CNTNAP5: variants seen among roughly 807,000 people sequenced by gnomAD.
CNTNAP5 encodes contactin associated protein family member 5, also known as contactin-associated protein-like 5.
A neutral mutation model predicts 150.2 loss-of-function variants in CNTNAP5; 72 were observed. The observed-to-expected ratio is 0.48, with a 90% confidence interval of 0.40 to 0.58. CNTNAP5 has a LOEUF of 0.58. CNTNAP5 is among the 20% of genes least tolerant of loss of function. The pLI is 0.00. For synonymous variants in CNTNAP5, 672 were observed against 619.8 expected (o/e 1.08, Z -1.25); for missense variants, 1,636 against 1,626.2 (o/e 1.01, Z -0.10).
intron 13 of CNTNAP5, among the ~76,000 whole-genome samples, chr2:124,733,868 G>A (rs1291936085): frequency 6.6e-6 from 1 of 152,142 alleles, no homozygotes; most frequent in Non-Finnish European, 1.5e-5. Context: ...AGCTTTGATG[G>A]GGGAGAGTGT....
intron 13 of CNTNAP5, among the ~76,000 whole-genome samples, chr2:124,730,311 A>G (rs1460629996): frequency 6.6e-6 from 1 of 151,618 alleles, no homozygotes; most frequent in Non-Finnish European, 1.5e-5. Flanking sequence ...CGTGTAGTAT[A>G]CAGGTGTGCG....
chr2:124,057,470 T>TTTTTTTTTTTTTTTTTTTTTTTTTC (rs1681885581), intron 1 of CNTNAP5, among the ~76,000 whole-genome samples: 1 of 136,964 alleles, frequency 7.3e-6, no homozygotes, highest in Non-Finnish European at 1.6e-5. Context: ...TTTTTTTTTT[T>TTTTTTTTTTTTTTTTTTTTTTTTTC]TAGTAGAGAT....
intron 6 of CNTNAP5, among the ~76,000 whole-genome samples, chr2:124,461,245 C>T (rs1573389412): frequency 1.3e-5 from 2 of 152,114 alleles, no homozygotes; most frequent in East Asian, 1.9e-4. Context: ...TATTGCGGCA[C>T]TATTCACAAT....
intron 3 of CNTNAP5, among the ~76,000 whole-genome samples, chr2:124,400,098 C>T (rs1691366904): frequency 1.4e-5 from 2 of 139,354 alleles, no homozygotes; most frequent in Non-Finnish European, 3.1e-5. Context: ...ACCATGAAAA[C>T]ATAACAGGGC....
At chr2:124,493,716 A>T (rs1016242490) in intron 7 of CNTNAP5, among the ~76,000 whole-genome samples, 1 of 152,058 alleles carries the variant, frequency 6.6e-6, no homozygotes, top group African/African-American at 2.4e-5. Context: ...AATATTACTG[A>T]TTAAATTGAG....
At chr2:124,461,132 A>G (rs1336830201) in intron 6 of CNTNAP5, among the ~76,000 whole-genome samples, 3 of 152,158 alleles carry the variant, frequency 2.0e-5, no homozygotes, top group Admixed American at 2.0e-4. Flanking sequence ...TTCCTCAGGG[A>G]TCTAGAACTA....
At chr2:124,861,926 G>A (rs1485271871) in intron 19 of CNTNAP5, among the ~76,000 whole-genome samples, 1 of 152,098 alleles carries the variant, frequency 6.6e-6, no homozygotes, top group African/African-American at 2.4e-5. Context: ...CGATTCTCCT[G>A]CCTCAGTCTC....
intron 3 of CNTNAP5, among the ~76,000 whole-genome samples, chr2:124,354,236 C>A (rs1187457936): frequency 1.3e-5 from 2 of 151,986 alleles, no homozygotes; most frequent in Non-Finnish European, 2.9e-5. Flanking sequence ...AATAACACTG[C>A]GGATGTTTTT....
chr2:124,107,152 T>C (rs898121606), intron 1 of CNTNAP5, among the ~76,000 whole-genome samples: 3 of 152,118 alleles, frequency 2.0e-5, no homozygotes, highest in African/African-American at 4.8e-5. Context: ...GTGATTACCT[T>C]TGTGGGTCTG....
At chr2:124,047,151 C>T (rs114656689) in intron 1 of CNTNAP5, among the ~76,000 whole-genome samples, 4 of 152,226 alleles carry the variant, frequency 2.6e-5, no homozygotes, top group Non-Finnish European at 4.4e-5. Context: ...AGAAACAATA[C>T]CGAGCTATTT....
intron 3 of CNTNAP5, among the ~76,000 whole-genome samples, chr2:124,249,570 G>A (rs780044): frequency 0.35 from 52,492 of 152,064 alleles, 9,307 homozygotes; most frequent in Admixed American, 0.42. Flanking sequence ...TAGCCTAGAA[G>A]CCCCCATCCG....
At chr2:124,535,164 C>T (rs879760930) in intron 10 of CNTNAP5, among the ~76,000 whole-genome samples, 4 of 152,140 alleles carry the variant, frequency 2.6e-5, no homozygotes, top group Admixed American at 2.6e-4. Flanking sequence ...ATTCCTTCAT[C>T]ATTTCCTCAT....
chr2:124,561,954 C>G (rs1695903494), intron 10 of CNTNAP5, among the ~76,000 whole-genome samples: 1 of 152,120 alleles, frequency 6.6e-6, no homozygotes, highest in South Asian at 2.1e-4. Flanking sequence ...CTCTCTCAGG[C>G]CCTATAAAGA....
chr2:124,486,936 T>C (rs1433515743), intron 7 of CNTNAP5, among the ~76,000 whole-genome samples: 1 of 152,222 alleles, frequency 6.6e-6, no homozygotes, highest in Non-Finnish European at 1.5e-5. Context: ...ACATGAAGAT[T>C]TACTGTAATT....
chr2:124,221,725 G>A lies in CNTNAP5; in HGVS notation c.103G>A (p.Ala35Thr). The change falls in exon 2 of 24, where the codon GCA becomes ACA. Residue 35 changes from alanine (A) to threonine (T), a missense_variant. Coordinates refer to ENST00000682447, the MANE Select transcript of CNTNAP5 (RefSeq NM_001367498.1). ...TATAGACAACTGTGATGATCCACTA[G>A]CATCCCTGCTCTCTCCAATGGCTTT... ...ATNYNCDDPLASLLSPMAFSS... is the reference protein window; with the variant it reads ...ATNYNCDDPLTSLLSPMAFSS... The A allele has an allele frequency of 6.2e-7, 1 of 1,610,574 alleles. No homozygotes were observed. Among genetic ancestry groups the A allele is most frequent in the Non-Finnish European group, 8.5e-7 (1 of 1,177,938 alleles).
intron 12 of CNTNAP5, among the ~76,000 whole-genome samples, chr2:124,610,689 G>A (rs988762514): frequency 2.0e-5 from 3 of 151,840 alleles, no homozygotes; most frequent in African/African-American, 4.8e-5. Context: ...AGCCAGGTGC[G>A]ATGGCTCACG....
chr2:124,236,121 A>C (rs112568964), intron 2 of CNTNAP5, among the ~76,000 whole-genome samples: 1 of 152,044 alleles, frequency 6.6e-6, no homozygotes, highest in African/African-American at 2.4e-5. Context: ...ACACATCACC[A>C]TGCCCTGTTA....
intron 1 of CNTNAP5, among the ~76,000 whole-genome samples, chr2:124,033,575 G>T (rs1194616262): frequency 2.6e-5 from 4 of 152,148 alleles, no homozygotes; most frequent in South Asian, 2.1e-4. Flanking sequence ...ACGATAAAAG[G>T]GTAAGAAGTC....
In CNTNAP5 at chr2:124,417,608, C is replaced by T. The variant is rs1261528065; in HGVS notation, c.529+18C>T. 1 of 1,606,308 alleles carries T rather than the reference C, an allele frequency of 6.2e-7. No individual in the cohort carries two copies. Among genetic ancestry groups the T allele is most frequent in the African/African-American group, 1.3e-5 (1 of 74,860 alleles). Reference sequence around the variant, plus strand: ...TTCCTATAGTAAGTACTCACATGTACCCTTTACCATTGCTGAGTGTGAGTG... The same window carrying T: ...TTCCTATAGTAAGTACTCACATGTATCCTTTACCATTGCTGAGTGTGAGTG... On this transcript the variant is annotated intron_variant, in intron 4 of 23. Transcript: ENST00000682447.
Sources: gnomAD v4.1 joint callset for allele counts (sites outside exome capture counted in the v4.1 genomes callset) on GRCh38, gnomAD v4.1.1 for gene constraint, MANE v1.5 for transcripts, NCBI Gene and HGNC (gene_info 2026-07-23, HGNC 2026-07-21) for gene names.